ATXN1: variants seen among roughly 807,000 people sequenced by gnomAD.
ATXN1 encodes ataxin-1.
In ATXN1, 8 loss-of-function variants were observed where a neutral mutation model predicts 56.4. That is an observed-to-expected ratio of 0.14 (90% CI 0.08 to 0.26). The LOEUF is 0.26. Among genes scored for constraint, ATXN1 ranks in the 10% least tolerant of loss-of-function variants. The pLI is 1.00. For synonymous variants in ATXN1, 514 were observed against 494.6 expected (o/e 1.04, Z -0.52); for missense variants, 987 against 1,106.5 (o/e 0.89, Z 1.53).
chr6:16,683,343 A>G (rs1285604964), intron 2 of ATXN1, among the ~76,000 whole-genome samples: 2 of 152,226 alleles, frequency 1.3e-5, no homozygotes, highest in African/African-American at 4.8e-5. Flanking sequence ...CTCCATGGAC[A>G]GTGTTCCAAA....
chr6:16,527,048 AC>A (rs1361823949), intron 4 of ATXN1, among the ~76,000 whole-genome samples: 7 of 151,782 alleles, frequency 4.6e-5, no homozygotes, highest in Non-Finnish European at 8.8e-5. Context: ...ATCAGGACTT[AC>A]CATATTTCTT....
intron 3 of ATXN1, among the ~76,000 whole-genome samples, chr6:16,624,836 T>A (rs2113804563): frequency 6.6e-6 from 1 of 152,266 alleles, no homozygotes; most frequent in East Asian, 1.9e-4. Flanking sequence ...GGGGACTGAG[T>A]CACACTTGCA....
At chr6:16,460,127 C>T (rs1170676124) in intron 6 of ATXN1, among the ~76,000 whole-genome samples, 3 of 152,138 alleles carry the variant, frequency 2.0e-5, no homozygotes, top group Non-Finnish European at 4.4e-5. Context: ...ATACTCTAAT[C>T]AAGGAGACCG....
chr6:16,350,290 A>T (rs1034233773), intron 6 of ATXN1, among the ~76,000 whole-genome samples: 1 of 152,210 alleles, frequency 6.6e-6, no homozygotes, highest in Non-Finnish European at 1.5e-5. Flanking sequence ...TTTTCAAAAG[A>T]TTGTTGAGAT....
intron 4 of ATXN1, among the ~76,000 whole-genome samples, chr6:16,574,093 C>G (rs897011423): frequency 1.6e-3 from 247 of 152,360 alleles, no homozygotes; most frequent in African/African-American, 5.7e-3. Context: ...GTGGCCGGAT[C>G]TCAGCTCACT....
chr6:16,443,208 C>CA (rs70999325), intron 6 of ATXN1, among the ~76,000 whole-genome samples: 2,715 of 40,432 alleles, frequency 0.067, 98 homozygotes, highest in East Asian at 0.23. Flanking sequence ...TCTATTGGAG[C>CA]AAAAAAAAAA....
rs140405760 is a variant in ATXN1 at position 16,484,606 on chromosome 6, A to G, written c.-161+1366T>C. Reference sequence around the variant, plus strand: ...GGCTGACTGATTTCCACTAGACCCAACGTGTACAGAATGGAAACACAATGA... The same window carrying G: ...GGCTGACTGATTTCCACTAGACCCAGCGTGTACAGAATGGAAACACAATGA... On this transcript the variant is annotated intron_variant, in intron 6 of 7. Transcript: ENST00000436367. 4.2e-3 allele frequency among the ~76,000 whole-genome samples: 643 copies of G among 152,286 alleles called. 3 individuals are homozygous for G. The highest frequency in any genetic ancestry group is 7.2e-3 in the Non-Finnish European group (487 of 68,026).
intron 6 of ATXN1, among the ~76,000 whole-genome samples, chr6:16,447,480 T>C (rs1347715546): frequency 1.3e-5 from 2 of 152,190 alleles, no homozygotes; most frequent in African/African-American, 4.8e-5. Context: ...TGCCTCAGCC[T>C]CCCAAAGTGC....
intron 3 of ATXN1, among the ~76,000 whole-genome samples, chr6:16,599,631 A>C (rs551815642): frequency 6.6e-6 from 1 of 151,892 alleles, no homozygotes; most frequent in Non-Finnish European, 1.5e-5. Flanking sequence ...GAACAGCTTG[A>C]ACCAGGGAGT....
intron 6 of ATXN1, among the ~76,000 whole-genome samples, chr6:16,331,866 A>T (rs541913217): frequency 6.6e-6 from 1 of 152,252 alleles, no homozygotes; most frequent in African/African-American, 2.4e-5. Flanking sequence ...CTTGGTTCTC[A>T]GTAGTGCTCA....
At chr6:16,580,990 C>T (rs1194528493) in intron 4 of ATXN1, among the ~76,000 whole-genome samples, 2 of 152,078 alleles carry the variant, frequency 1.3e-5, no homozygotes, top group South Asian at 2.1e-4. Context: ...ATTTTCTTAA[C>T]CTTAGAAATG....
chr6:16,357,230 A>AT (rs869297391), intron 6 of ATXN1, among the ~76,000 whole-genome samples: 1 of 87,454 alleles, frequency 1.1e-5, no homozygotes, highest in South Asian at 3.5e-4. Context: ...TTATTTTATT[A>AT]TTTTTTATTT....
At chr6:16,364,860 G>A (rs1204955217) in intron 6 of ATXN1, among the ~76,000 whole-genome samples, 2 of 152,166 alleles carry the variant, frequency 1.3e-5, no homozygotes, top group Non-Finnish European at 1.5e-5. Context: ...AGTAAAATGT[G>A]ACTTGGTGCC....
rs1262789314 is a variant in ATXN1 at position 16,372,930 on chromosome 6, TAAATAAACAAACAAAC to T, written c.-160-44476_-160-44461del. On this transcript the variant is annotated intron_variant, in intron 6 of 7. Transcript: ENST00000436367. ...CACTGTATCAAAATAAATAAATAAA[TAAATAAACAAACAAAC>T]AAACAAACAAACAAACAAACAAATA... 9.7e-4 allele frequency among the ~76,000 whole-genome samples: 140 copies of T among 144,388 alleles called. 1 individual carries two copies. The highest frequency in any genetic ancestry group is 2.7e-3 in the African/African-American group (97 of 35,424). The allele number at this position is 144,388 out of a possible 152,430, so 94.7% of individuals were successfully genotyped here. A position where few individuals can be genotyped will look rare whatever the true frequency, so the allele number is the denominator to read the frequency against.
intron 3 of ATXN1, among the ~76,000 whole-genome samples, chr6:16,644,922 G>C (rs184096147): frequency 6.6e-6 from 1 of 152,124 alleles, no homozygotes; most frequent in African/African-American, 2.4e-5. Flanking sequence ...GACTCTTAAC[G>C]GTAGATCATT....
At chr6:16,372,966 C>T (rs1200555473) in intron 6 of ATXN1, among the ~76,000 whole-genome samples, 1 of 125,966 alleles carries the variant, frequency 7.9e-6, no homozygotes, top group African/African-American at 2.8e-5. Context: ...AACAAACAAA[C>T]AAATAAATGA....
At chr6:16,733,715 C>T (rs945770593) in intron 2 of ATXN1, among the ~76,000 whole-genome samples, 1 of 152,158 alleles carries the variant, frequency 6.6e-6, no homozygotes, top group African/African-American at 2.4e-5. Context: ...GGTGTGGTGG[C>T]ATATGCCTGT....
chr6:16,309,057 G>A (rs1206831748), intron 7 of ATXN1, among the ~76,000 whole-genome samples: 2 of 151,098 alleles, frequency 1.3e-5, no homozygotes, highest in East Asian at 3.9e-4. Context: ...ATGAGACCCC[G>A]TTTCTACAGA....
chr6:16,449,513 A>C (rs1377006538), intron 6 of ATXN1, among the ~76,000 whole-genome samples: 1 of 152,034 alleles, frequency 6.6e-6, no homozygotes, highest in Non-Finnish European at 1.5e-5. Flanking sequence ...TTGTTTTTTA[A>C]GTACATCAAT....
Sources: gnomAD v4.1 joint callset for allele counts (sites outside exome capture counted in the v4.1 genomes callset) on GRCh38, gnomAD v4.1.1 for gene constraint, MANE v1.5 for transcripts, NCBI Gene and HGNC (gene_info 2026-07-23, HGNC 2026-07-21) for gene names.